Variants in FBXO17 observed in about 807,000 individuals in gnomAD.
FBXO17 encodes the protein F-box only protein 17.
FBXO17 carries 43 observed loss-of-function variants against 34.1 expected under a neutral mutation model. That is an observed-to-expected ratio of 1.26 (90% CI 0.99 to 1.62). FBXO17 has a LOEUF of 1.62. Ranked by LOEUF, FBXO17 falls within the 40% of genes most tolerant of loss-of-function variation. The probability of loss-of-function intolerance (pLI) is 0.00; values close to 1 mark genes in which losing one functional copy is unlikely to be tolerated. For missense variants in FBXO17, 424 were observed against 386.7 expected (o/e 1.10, Z -0.81); for synonymous variants, 169 against 166.0 (o/e 1.02, Z -0.14).
intron 1 of FBXO17, among the ~76,000 whole-genome samples, chr19:38,965,256 A>G (rs185870323): frequency 2.0e-5 from 3 of 152,312 alleles, no homozygotes; most frequent in South Asian, 2.1e-4. Context: ...CTTCATGGGC[A>G]TGCAACCTGT....
chr19:38,950,013 C>A lies in FBXO17; in HGVS notation c.307G>T (p.Ala103Ser), dbSNP rs189653127. 63 of 1,558,732 alleles carry A rather than the reference C, an allele frequency of 4.0e-5. No individual in the cohort carries two copies. In the African/African-American group the frequency reaches 7.8e-4, roughly 19 times the overall value. The change falls in exon 2 of 6, where the codon GCG (alanine) becomes TCG (serine). Residue 103 changes from alanine (A) to serine (S), a missense_variant. Physicochemically the swap from Ala to Ser is moderately conservative, Grantham distance 99 (BLOSUM62 1). Coordinates refer to ENST00000292852, the MANE Select transcript of FBXO17 (RefSeq NM_024907.7). ...AAGATGAGATTGCGGCCGAAGGGCG[C>A]GCGCAGACAGTAGCGCGCCAGGGCG... ...LCALARYCLR[A>S]PFGRNLIFNS...
chr19:38,974,429 AAG>A (rs887610170), intron 1 of FBXO17, among the ~76,000 whole-genome samples: 1 of 152,194 alleles, frequency 6.6e-6, no homozygotes, highest in African/African-American at 2.4e-5. Context: ...GCCTTACAAA[AAG>A]AGAGTCAACA....
At chr19:38,951,097 T>C (rs1975077163) in intron 1 of FBXO17, among the ~76,000 whole-genome samples, 1 of 152,110 alleles carries the variant, frequency 6.6e-6, no homozygotes, top group South Asian at 2.1e-4. Flanking sequence ...GCCTGTTTTT[T>C]CAAAGATTTA....
chr19:38,946,683 G>T, intron 3 of FBXO17, 116 bp from the exon 4 acceptor site: 6 of 1,460,974 alleles, frequency 4.1e-6, no homozygotes, highest in South Asian at 2.7e-5. Context: ...CAGCCCTCAG[G>T]GTTTGCTCTA....
intron 1 of FBXO17, among the ~76,000 whole-genome samples, chr19:38,963,537 C>T (rs1228750656): frequency 6.6e-6 from 1 of 152,044 alleles, no homozygotes; most frequent in African/African-American, 2.4e-5. Flanking sequence ...CAGCGATCTT[C>T]CCAGCTTGGC....
At chr19:38,967,628 G>A (rs1163385937) in intron 1 of FBXO17, among the ~76,000 whole-genome samples, 1 of 150,962 alleles carries the variant, frequency 6.6e-6, no homozygotes, top group Non-Finnish European at 1.5e-5. Flanking sequence ...GCAGTGGCAC[G>A]ATCTTGGCTC....
At position 38,969,554 on chromosome 19, in the gene FBXO17, G is replaced by A. The variant is rs11672189; in HGVS notation, c.-18+6032C>T. On this transcript the variant is annotated intron_variant, in intron 1 of 5. Coordinates refer to ENST00000292852, the MANE Select transcript of FBXO17 (RefSeq NM_024907.7). ...AGAGAACTCCCATACATTCCTGGTG[G>A]AATCCATTTGGAATCACTTTGGAAA... 2.0e-5 allele frequency among the ~76,000 whole-genome samples: 3 copies of A among 150,070 alleles called. No homozygotes were observed. The East Asian group carries it at 5.8e-4, about 29-fold the overall frequency.
intron 5 of FBXO17, 155 bp downstream of exon 5, chr19:38,944,814 T>A: frequency 9.2e-7 from 1 of 1,083,138 alleles, no homozygotes; most frequent in South Asian, 1.6e-5. Context: ...GTAAGCGTCT[T>A]GACACAGGGC....
intron 1 of FBXO17, among the ~76,000 whole-genome samples, chr19:38,958,284 C>A (rs886183672): frequency 6.6e-6 from 1 of 151,608 alleles, no homozygotes; most frequent in African/African-American, 2.4e-5. Flanking sequence ...GTGGCATGCT[C>A]CTGTAGTCCC....
chr19:38,964,033 C>T (rs982872902), intron 1 of FBXO17, among the ~76,000 whole-genome samples: 1 of 152,102 alleles, frequency 6.6e-6, no homozygotes, highest in Non-Finnish European at 1.5e-5. Flanking sequence ...ATCTGCCTGC[C>T]TCGGCTTCCC....
rs1047351389 is a variant in FBXO17, at chr19:38,958,666, C to T, written c.-17-8330G>A. On this transcript the variant is annotated intron_variant, in intron 1 of 5. Transcript: ENST00000292852. ...GAAGGTTACTGGCTGTCAGAGTGAC[C>T]GGGGAATGCTATTGGTACTCAGCTA... 4.6e-5 allele frequency among the ~76,000 whole-genome samples: 7 copies of T among 151,962 alleles called. No homozygotes were observed. The South Asian group carries it at 8.3e-4, about 18-fold the overall frequency.
chr19:38,966,073 G>A (rs1975316042), intron 1 of FBXO17, among the ~76,000 whole-genome samples: 2 of 151,962 alleles, frequency 1.3e-5, no homozygotes, highest in African/African-American at 4.8e-5. Flanking sequence ...GGGTTCAAGC[G>A]ATTCTCCTGT....
intron 1 of FBXO17, among the ~76,000 whole-genome samples, chr19:38,966,308 T>C (rs1359287105): frequency 6.6e-6 from 1 of 151,608 alleles, no homozygotes; most frequent in Non-Finnish European, 1.5e-5. Context: ...TGTGTGTGTG[T>C]GTGTGTGTGT....
At chr19:38,957,068 A>G (rs1975176656) in intron 1 of FBXO17, among the ~76,000 whole-genome samples, 1 of 152,026 alleles carries the variant, frequency 6.6e-6, no homozygotes. Context: ...CAGACTTTAC[A>G]AAGACCAAGC....
At chr19:38,954,895 T>TTTATTATTATTA (rs139274792) in intron 1 of FBXO17, among the ~76,000 whole-genome samples, 4 of 134,216 alleles carry the variant, frequency 3.0e-5, no homozygotes, top group South Asian at 2.4e-4. Context: ...AATGTGTTAT[T>TTTATTATTATTA]TTATTATTAT....
At position 38,950,042 on chromosome 19, in the gene FBXO17, A is replaced by T; in HGVS notation, c.278T>A (p.Leu93Gln). ...PSNEDKEEFP[L>Q]CALARYCLRA... ...CAGACAGTAGCGCGCCAGGGCGCACAGCGGGAACTCCTCCTTGTCTTCGTT... is the reference window on the plus strand; with the variant it reads ...CAGACAGTAGCGCGCCAGGGCGCACTGCGGGAACTCCTCCTTGTCTTCGTT... Residue 93 changes from leucine (L) to glutamine (Q), a missense_variant, in exon 2 of 6, where the codon CTG becomes CAG. Leu to Gln is a moderately radical substitution (Grantham distance 113, BLOSUM62 -2). Coordinates refer to ENST00000292852, the MANE Select transcript of FBXO17 (RefSeq NM_024907.7). 6.4e-7 allele frequency: 1 copy of T among 1,567,574 alleles called. No homozygotes were observed. Among genetic ancestry groups the T allele is most frequent in the South Asian group, 1.2e-5 (1 of 85,446 alleles).
intron 1 of FBXO17, among the ~76,000 whole-genome samples, chr19:38,958,406 CAAAAAAAA>C (rs61007658): frequency 1.0e-5 from 1 of 98,738 alleles, no homozygotes. Flanking sequence ...GAAACTGTCT[CAAAAAAAA>C]AAAAAAAAAA....
intron 1 of FBXO17, among the ~76,000 whole-genome samples, chr19:38,970,399 G>T (rs1289085003): frequency 1.3e-5 from 2 of 151,818 alleles, no homozygotes; most frequent in Non-Finnish European, 2.9e-5. Flanking sequence ...GTAGAGATGG[G>T]GTTTCACCAT....
In FBXO17 at chr19:38,973,289, C is replaced by T. The variant is rs1172368436; in HGVS notation, c.-18+2297G>A. Among the ~76,000 whole-genome samples, 9 of 152,128 alleles carry T rather than the reference C, an allele frequency of 5.9e-5. 1 individual carries two copies. The highest frequency in any genetic ancestry group is 1.9e-4 in the African/African-American group (8 of 41,444). On this transcript the variant is annotated intron_variant, in intron 1 of 5. Coordinates refer to ENST00000292852, the MANE Select transcript of FBXO17 (RefSeq NM_024907.7). ...ACTAGGGAGGCTGAGGCAGGAGAAT[C>T]GCTTGAACCCAGGAGGTGGAGGTTG...
Sources: allele counts gnomAD v4.1 joint callset (sites outside exome capture counted in the v4.1 genomes callset), GRCh38; gene constraint gnomAD v4.1.1; transcripts MANE v1.5; gene names NCBI Gene and HGNC (gene_info 2026-07-23, HGNC 2026-07-21).